The following SLC38A6 variants were observed in gnomAD, a reference collection of about 807,000 sequenced individuals.
The protein encoded by SLC38A6 is N system amino acid transporter NAT-1.
SLC38A6 carries 73 observed loss-of-function variants against 65.0 expected under a neutral mutation model. The observed-to-expected ratio is 1.12, with a 90% CI of 0.93 to 1.37. The LOEUF (loss-of-function observed/expected upper bound fraction) is 1.37. Among genes scored for constraint, SLC38A6 ranks in the 40% most tolerant of loss-of-function variants. The pLI is 0.00. For missense variants in SLC38A6, 561 were observed against 531.1 expected, an observed-to-expected ratio of 1.06 and a Z score of -0.55; for synonymous variants, 183 against 178.8, an observed-to-expected ratio of 1.02 and a Z score of -0.19.
chr14:60,999,178 T>G (rs1267458510), intron 3 of SLC38A6, among the ~76,000 whole-genome samples: 2 of 152,206 alleles, frequency 1.3e-5, no homozygotes, highest in Admixed American at 1.3e-4. Context: ...CTGAGGTTGT[T>G]GAAAAAGAGT....
chr14:61,071,032 C>A (rs1177651876), intron 15 of SLC38A6, among the ~76,000 whole-genome samples: 1 of 152,054 alleles, frequency 6.6e-6, no homozygotes, highest in Admixed American at 6.6e-5. Flanking sequence ...TGCAGAATCT[C>A]TTCTGTTGGA....
chr14:61,062,262 TG>T (rs2042874247), intron 15 of SLC38A6, among the ~76,000 whole-genome samples: 1 of 152,232 alleles, frequency 6.6e-6, no homozygotes, highest in Non-Finnish European at 1.5e-5. Flanking sequence ...CCAAAATGGC[TG>T]TAACATTTTA....
chr14:61,005,908 C>T lies in SLC38A6; in HGVS notation c.311-9996C>T, dbSNP rs370619305. Reference sequence around the variant, plus strand: ...CAAAAGAACAAAGCTGGAGGCATCACGCTACCTGACTTCAAACTATACTAC... The same window carrying T: ...CAAAAGAACAAAGCTGGAGGCATCATGCTACCTGACTTCAAACTATACTAC... On this transcript the variant is annotated intron_variant, in intron 3 of 15. Coordinates refer to ENST00000267488, the MANE Select transcript of SLC38A6 (RefSeq NM_153811.3). Among the ~76,000 whole-genome samples, 66 of 152,202 alleles carry T rather than the reference C, an allele frequency of 4.3e-4. 2 individuals are homozygous for T. The South Asian group carries it at 0.011, about 25-fold the overall frequency.
At chr14:61,062,537 G>C (rs769620523) in intron 15 of SLC38A6, among the ~76,000 whole-genome samples, 1 of 150,908 alleles carries the variant, frequency 6.6e-6, no homozygotes, top group African/African-American at 2.4e-5. Flanking sequence ...ATGTTGCCCC[G>C]ACTGGATTTA....
At chr14:60,983,159 TA>T (rs2037193881) in intron 2 of SLC38A6, among the ~76,000 whole-genome samples, 1 of 152,228 alleles carries the variant, frequency 6.6e-6, no homozygotes, top group Non-Finnish European at 1.5e-5. Context: ...TGTGCTTTCA[TA>T]GTACTTTGTA....
intron 3 of SLC38A6, among the ~76,000 whole-genome samples, chr14:60,991,920 T>G (rs1448382572): frequency 6.6e-6 from 1 of 152,186 alleles, no homozygotes; most frequent in African/African-American, 2.4e-5. Context: ...GAATCTCACT[T>G]AAGACTCCAT....
At chr14:61,004,219 T>TCCAA (rs2038916654) in intron 3 of SLC38A6, among the ~76,000 whole-genome samples, 1 of 152,218 alleles carries the variant, frequency 6.6e-6, no homozygotes, top group Non-Finnish European at 1.5e-5. Flanking sequence ...ACAGCGAAGG[T>TCCAA]ATTTGCTTGC....
At chr14:61,016,321 A>G (rs724141) in intron 4 of SLC38A6, among the ~76,000 whole-genome samples, 1 of 152,208 alleles carries the variant, frequency 6.6e-6, no homozygotes, top group East Asian at 1.9e-4. Flanking sequence ...GCAACATCGA[A>G]TTCAAATTGT....
intron 6 of SLC38A6, among the ~76,000 whole-genome samples, chr14:61,035,986 C>T (rs1316220006): frequency 6.6e-6 from 1 of 151,716 alleles, no homozygotes; most frequent in Non-Finnish European, 1.5e-5. Flanking sequence ...ACCTTTTTCT[C>T]ATTCTGTATT....
chr14:60,993,655 A>G (rs1014903097), intron 3 of SLC38A6, among the ~76,000 whole-genome samples: 1 of 152,222 alleles, frequency 6.6e-6, no homozygotes. Flanking sequence ...AGGTAAAAAT[A>G]GTTGAGGGCC....
At chr14:60,991,845 G>A (rs1053462135) in intron 3 of SLC38A6, among the ~76,000 whole-genome samples, 1 of 152,178 alleles carries the variant, frequency 6.6e-6, no homozygotes, top group Admixed American at 6.5e-5. Context: ...AGGACGACTT[G>A]TGGAGTGCAG....
At chr14:61,049,788 G>T (rs970339699) in intron 12 of SLC38A6, among the ~76,000 whole-genome samples, 1 of 152,050 alleles carries the variant, frequency 6.6e-6, no homozygotes, top group Non-Finnish European at 1.5e-5. Context: ...ACAAAACACT[G>T]ATATCCAGTG....
chr14:61,022,418 A>G (rs536191978), intron 5 of SLC38A6, among the ~76,000 whole-genome samples: 2 of 151,510 alleles, frequency 1.3e-5, no homozygotes, highest in East Asian at 1.9e-4. Context: ...TGCAAACAAC[A>G]TACTTATTTG....
chr14:61,004,997 G>C (rs1354991759), intron 3 of SLC38A6, among the ~76,000 whole-genome samples: 1 of 152,108 alleles, frequency 6.6e-6, no homozygotes, highest in Non-Finnish European at 1.5e-5. Flanking sequence ...CCATGATCAA[G>C]TGGGCTTCAT....
intron 2 of SLC38A6, among the ~76,000 whole-genome samples, chr14:60,983,196 A>T (rs1284093451): frequency 6.6e-6 from 1 of 152,186 alleles, no homozygotes; most frequent in African/African-American, 2.4e-5. Context: ...TATAATTGTT[A>T]CAATGATATG....
At chr14:61,013,094 A>G (rs935636615) in intron 3 of SLC38A6, among the ~76,000 whole-genome samples, 4 of 152,146 alleles carry the variant, frequency 2.6e-5, no homozygotes, top group Non-Finnish European at 4.4e-5. Context: ...TATATTTAGG[A>G]TAGTTAGCTC....
chr14:61,006,284 T>A (rs1204877700), intron 3 of SLC38A6, among the ~76,000 whole-genome samples: 1 of 152,170 alleles, frequency 6.6e-6, no homozygotes, highest in African/African-American at 2.4e-5. Context: ...ACTTCGTGTC[T>A]AAAACATCAA....
At chr14:61,011,116 C>G (rs1029918381) in intron 3 of SLC38A6, among the ~76,000 whole-genome samples, 8 of 152,052 alleles carry the variant, frequency 5.3e-5, no homozygotes, top group Non-Finnish European at 8.8e-5. Flanking sequence ...AGTTGGATTC[C>G]TAGGTATTTT....
chr14:61,013,938 T>C (rs2039786265), intron 3 of SLC38A6, among the ~76,000 whole-genome samples: 1 of 152,216 alleles, frequency 6.6e-6, no homozygotes, highest in Non-Finnish European at 1.5e-5. Flanking sequence ...CCTGCCTTGC[T>C]AGGCTGGGGA....
Sources: gnomAD v4.1 joint callset for allele counts (sites outside exome capture counted in the v4.1 genomes callset) on GRCh38, gnomAD v4.1.1 for gene constraint, MANE v1.5 for transcripts, NCBI Gene and HGNC (gene_info 2026-07-23, HGNC 2026-07-21) for gene names.